KHDRBS3: variants seen among roughly 807,000 people sequenced by gnomAD.
KHDRBS3 encodes the protein KH domain-containing, RNA-binding, signal transduction-associated protein 3.
Under a neutral mutation model 45.6 loss-of-function variants are expected in KHDRBS3, and 23 were observed. That is an observed-to-expected ratio of 0.50 (90% confidence interval 0.36 to 0.72). The LOEUF (loss-of-function observed/expected upper bound fraction) is 0.72. KHDRBS3 is among the 30% of genes least tolerant of loss of function. The probability of loss-of-function intolerance (pLI) is 0.00; values close to 1 mark genes in which losing one functional copy is unlikely to be tolerated. For missense variants in KHDRBS3, 352 were observed against 424.8 expected (o/e 0.83, Z 1.51); for synonymous variants, 162 against 156.5 (o/e 1.04, Z -0.26).
intron 6 of KHDRBS3, among the ~76,000 whole-genome samples, chr8:135,583,228 A>G (rs1177264672): frequency 2.0e-5 from 3 of 152,190 alleles, no homozygotes; most frequent in African/African-American, 4.8e-5. Flanking sequence ...TTATCTCTTT[A>G]TACTTGGGAG....
chr8:135,458,153 G>A, intron 1 of KHDRBS3, 199 bp downstream of exon 1: 2 of 1,348,216 alleles, frequency 1.5e-6, no homozygotes, highest in Non-Finnish European at 1.9e-6. Context: ...TGAATTTTGG[G>A]GACTTGGAAG....
intron 5 of KHDRBS3, among the ~76,000 whole-genome samples, chr8:135,566,952 C>T (rs1391436573): frequency 6.6e-6 from 1 of 152,178 alleles, no homozygotes; most frequent in African/African-American, 2.4e-5. Flanking sequence ...ATAGAAGAAA[C>T]AGTCACATTT....
chr8:135,617,372 G>C (rs1199158399), intron 7 of KHDRBS3, among the ~76,000 whole-genome samples: 1 of 151,866 alleles, frequency 6.6e-6, no homozygotes, highest in Non-Finnish European at 1.5e-5. Context: ...CCGTCTCCTA[G>C]GTTCAAGCGA....
intron 6 of KHDRBS3, among the ~76,000 whole-genome samples, chr8:135,596,488 G>C (rs935394321): frequency 6.6e-6 from 1 of 152,128 alleles, no homozygotes; most frequent in Non-Finnish European, 1.5e-5. Flanking sequence ...GTGGGACTAA[G>C]GTTAACCTAG....
At chr8:135,547,403 A>G (rs1459269114) in intron 3 of KHDRBS3, among the ~76,000 whole-genome samples, 1 of 152,142 alleles carries the variant, frequency 6.6e-6, no homozygotes, top group African/African-American at 2.4e-5. Context: ...TATTCTCAGT[A>G]GTTCTGCATT....
intron 7 of KHDRBS3, among the ~76,000 whole-genome samples, chr8:135,627,182 C>G (rs1481257752): frequency 6.6e-6 from 1 of 152,192 alleles, no homozygotes; most frequent in African/African-American, 2.4e-5. Context: ...TCCAAGCTCA[C>G]GTGACAGCTT....
At chr8:135,647,678 T>G (rs1198290907), downstream of KHDRBS3, 1 of 152,378 alleles carries the variant, frequency 6.6e-6, no homozygotes, top group Non-Finnish European at 1.5e-5. Context: ...TAAATAGTTG[T>G]AAACAGGGAA....
At chr8:135,599,617 CCTATGTG>C (rs1456333013) in intron 6 of KHDRBS3, among the ~76,000 whole-genome samples, 2 of 152,218 alleles carry the variant, frequency 1.3e-5, no homozygotes, top group African/African-American at 4.8e-5. Flanking sequence ...CCACATGCCT[CCTATGTG>C]CTAGACACTG....
intron 1 of KHDRBS3, among the ~76,000 whole-genome samples, chr8:135,459,491 T>C (rs1821316436): frequency 6.6e-6 from 1 of 152,246 alleles, no homozygotes; most frequent in Non-Finnish European, 1.5e-5. Context: ...CAGTTGAGTT[T>C]GTACTCCTGT....
chr8:135,488,069 G>C (rs1325731426), intron 1 of KHDRBS3, among the ~76,000 whole-genome samples: 1 of 152,200 alleles, frequency 6.6e-6, no homozygotes, highest in Non-Finnish European at 1.5e-5. Context: ...GTATGTATAA[G>C]TGTGTATGTG....
intron 6 of KHDRBS3, among the ~76,000 whole-genome samples, chr8:135,602,044 C>T (rs189785758): frequency 1.3e-5 from 2 of 152,298 alleles, no homozygotes; most frequent in East Asian, 3.9e-4. Flanking sequence ...TACTCAGCTC[C>T]ACTACTCTCT....
At chr8:135,483,542 T>G (rs1159927548) in intron 1 of KHDRBS3, among the ~76,000 whole-genome samples, 1 of 152,236 alleles carries the variant, frequency 6.6e-6, no homozygotes, top group Non-Finnish European at 1.5e-5. Flanking sequence ...GTATAAAGCA[T>G]AGACTTCAGA....
intron 7 of KHDRBS3, among the ~76,000 whole-genome samples, chr8:135,619,865 G>T (rs1019213172): frequency 6.6e-6 from 1 of 152,168 alleles, no homozygotes; most frequent in Non-Finnish European, 1.5e-5. Context: ...AGGGAAACTG[G>T]TTACAAAGGG....
chr8:135,524,107 C>T (rs1342812802), intron 2 of KHDRBS3, among the ~76,000 whole-genome samples: 1 of 152,150 alleles, frequency 6.6e-6, no homozygotes, highest in Non-Finnish European at 1.5e-5. Context: ...CCTCCATCTC[C>T]TGGATTCAAG....
At chr8:135,653,655 G>T (rs1002004802) in intron 4 of KHDRBS3, among the ~76,000 whole-genome samples, 1 of 152,158 alleles carries the variant, frequency 6.6e-6, no homozygotes, top group Non-Finnish European at 1.5e-5. Flanking sequence ...CCTTGTGTTC[G>T]ATGATTCAGC....
rs762424168 is a variant in KHDRBS3, at chr8:135,645,120, G to A, written c.949+3G>A. ...TGAGGAGACTTATGATTCCTACGGT[G>A]AGTGACTGGCCAGAGCATGTGAAGA... is the stretch of plus-strand genomic sequence containing the variant. On this transcript the variant is annotated splice_donor_region_variant and intron_variant, in intron 8 of 8. Transcript: ENST00000355849. The A allele has an allele frequency of 1.2e-6, 2 of 1,613,568 alleles. No individual in the cohort carries two copies. The highest frequency in any genetic ancestry group is 2.2e-5 in the South Asian group (2 of 91,062).
chr8:135,491,860 A>G (rs1261840143), intron 1 of KHDRBS3, among the ~76,000 whole-genome samples: 1 of 152,130 alleles, frequency 6.6e-6, no homozygotes, highest in African/African-American at 2.4e-5. Context: ...AAATTAAGGC[A>G]GTGACAAATT....
At chr8:135,553,666 G>A (rs961834350) in intron 4 of KHDRBS3, among the ~76,000 whole-genome samples, 2 of 152,112 alleles carry the variant, frequency 1.3e-5, no homozygotes, top group Non-Finnish European at 2.9e-5. Context: ...TCCTAACAGA[G>A]AGCCCACTGA....
chr8:135,645,564 A>C (rs1831247738), intron 8 of KHDRBS3, among the ~76,000 whole-genome samples: 1 of 152,164 alleles, frequency 6.6e-6, no homozygotes, highest in South Asian at 2.1e-4. Context: ...TTACACTGGG[A>C]GTCATTTCAT....
Sources: allele counts gnomAD v4.1 joint callset (sites outside exome capture counted in the v4.1 genomes callset), GRCh38; gene constraint gnomAD v4.1.1; transcripts MANE v1.5; gene names NCBI Gene and HGNC (gene_info 2026-07-23, HGNC 2026-07-21).